The following SRGAP2B variants were observed in gnomAD, a reference collection of about 807,000 sequenced individuals.
The protein encoded by SRGAP2B is SLIT-ROBO Rho GTPase activating protein 2B, also known as SLIT-ROBO Rho GTPase-activating protein 2B.
In SRGAP2B, 9 loss-of-function variants were observed where a neutral mutation model predicts 22.2. The ratio of observed to expected loss-of-function variants is 0.41; its 90% confidence interval spans 0.24 to 0.71. The LOEUF is 0.71. Ranked by LOEUF, SRGAP2B falls within the 30% of genes least tolerant of loss-of-function variation. The probability of loss-of-function intolerance (pLI) is 0.35; values close to 1 mark genes in which losing one functional copy is unlikely to be tolerated. For missense variants in SRGAP2B, 114 were observed against 235.8 expected, an observed-to-expected ratio of 0.48 and a Z score of 3.38; for synonymous variants, 36 against 87.4, an observed-to-expected ratio of 0.41 and a Z score of 3.28.
intron 2 of SRGAP2B, among the ~76,000 whole-genome samples, chr1:145,044,276 GGGA>G (rs1375394890): frequency 1.6e-5 from 2 of 128,400 alleles, no homozygotes; most frequent in African/African-American, 3.4e-5. Context: ...AAAAGGCCAT[GGGA>G]GTCAACTTGA....
chr1:144,927,408 G>C (rs1456191741), intron 4 of SRGAP2B, among the ~76,000 whole-genome samples: 1 of 150,756 alleles, frequency 6.6e-6, no homozygotes, highest in African/African-American at 2.5e-5. Flanking sequence ...TTTCTTGTCT[G>C]AAAACATCTT....
In SRGAP2B at chr1:145,044,650, T is replaced by TAAAAAAA. The variant is rs1184404731; in HGVS notation, c.67+48178_67+48184dup. ...TATATTTTATATTTGAACCCCCTCCTAAAAAAAAAAAAAAAAAAAAAAAAA... is the reference window on the plus strand; with the variant it reads ...TATATTTTATATTTGAACCCCCTCCTAAAAAAAAAAAAAAAAAAAAAAAAAAAAAAAA... On this transcript the variant is annotated intron_variant, in intron 2 of 9. Coordinates refer to ENST00000612199, the Ensembl canonical transcript of SRGAP2B. 3.6e-4 allele frequency among the ~76,000 whole-genome samples: 11 copies of TAAAAAAA among 30,680 alleles called. 3 individuals are homozygous for TAAAAAAA. The highest frequency in any genetic ancestry group is 1.5e-3 in the Admixed American group (3 of 1,962). 20.1% of individuals were successfully genotyped at this position (30,680 alleles called of 152,430 possible).
chr1:144,953,565 C>T (rs587750715), intron 4 of SRGAP2B, among the ~76,000 whole-genome samples: 9 of 152,178 alleles, frequency 5.9e-5, no homozygotes, highest in East Asian at 1.9e-4. Context: ...CTAGGAATAT[C>T]ATTCACAGAC....
intron 4 of SRGAP2B, chr1:144,918,605 C>CA (rs1308605111): frequency 9.4e-6 from 1 of 105,936 alleles, no homozygotes; most frequent in Non-Finnish European, 1.9e-5. Flanking sequence ...TGTAATGTTC[C>CA]AAAGCCTCCT....
intron 4 of SRGAP2B, among the ~76,000 whole-genome samples, chr1:144,941,019 A>G (rs1333649705): frequency 4.0e-5 from 6 of 150,174 alleles, no homozygotes; most frequent in African/African-American, 1.5e-4. Context: ...AAATGTGTAT[A>G]AAAAAGATTG....
intron 3 of SRGAP2B, among the ~76,000 whole-genome samples, chr1:144,960,490 C>G (rs1403129549): frequency 6.7e-6 from 1 of 150,192 alleles, no homozygotes; most frequent in East Asian, 1.9e-4. Flanking sequence ...CAGCTTTTCT[C>G]CCTCAACTTG....
intron 2 of SRGAP2B, among the ~76,000 whole-genome samples, chr1:145,022,670 AAGCTAAACAATC>A (rs1647275167): frequency 1.3e-5 from 2 of 150,606 alleles, no homozygotes; most frequent in African/African-American, 5.0e-5. Flanking sequence ...CTTCATAAAG[AAGCTAAACAATC>A]AGTCTAACAC....
chr1:145,076,502 A>T (rs1295625552), intron 2 of SRGAP2B, among the ~76,000 whole-genome samples: 1 of 150,390 alleles, frequency 6.6e-6, no homozygotes, highest in Non-Finnish European at 1.5e-5. Context: ...TATGCACAAC[A>T]ACCTGAATGA....
chr1:144,914,253 G>A (rs1407822440), intron 5 of SRGAP2B, among the ~76,000 whole-genome samples: 2 of 151,744 alleles, frequency 1.3e-5, no homozygotes, highest in African/African-American at 4.9e-5. Flanking sequence ...TAGAGCATTT[G>A]TTCTAGTCTC....
chr1:145,020,047 C>A (rs1553623784), intron 2 of SRGAP2B, among the ~76,000 whole-genome samples: 1 of 150,048 alleles, frequency 6.7e-6, no homozygotes, highest in Non-Finnish European at 1.5e-5. Context: ...ACACTCTTAC[C>A]TCCTTTAAAT....
chr1:145,020,832 C>G (rs1672748131), intron 2 of SRGAP2B, among the ~76,000 whole-genome samples: 1 of 150,510 alleles, frequency 6.6e-6, no homozygotes, highest in Non-Finnish European at 1.5e-5. Flanking sequence ...GACAGTCTCA[C>G]TCTGTCACCC....
At chr1:144,984,264 G>A (rs1553615488) in intron 3 of SRGAP2B, among the ~76,000 whole-genome samples, 1 of 148,772 alleles carries the variant, frequency 6.7e-6, no homozygotes, top group East Asian at 2.0e-4. Flanking sequence ...AGGATGCAGT[G>A]AGCTGAGATC....
intron 2 of SRGAP2B, among the ~76,000 whole-genome samples, chr1:145,041,075 GTATATA>G (rs370443273): frequency 0.13 from 9,454 of 73,556 alleles, 81 homozygotes; most frequent in East Asian, 0.23. Flanking sequence ...TATATATATA[GTATATA>G]TATATATATA....
chr1:144,955,268 AG>A (rs1224834716), intron 4 of SRGAP2B, among the ~76,000 whole-genome samples, 170 bp downstream of exon 4: 1 of 146,736 alleles, frequency 6.8e-6, no homozygotes, highest in African/African-American at 2.6e-5. Context: ...CTTTTATTTT[AG>A]GTTCAAGGGG....
intron 2 of SRGAP2B, among the ~76,000 whole-genome samples, chr1:145,063,569 G>C (rs1651148109): frequency 6.7e-6 from 1 of 150,290 alleles, no homozygotes; most frequent in South Asian, 2.1e-4. Flanking sequence ...ATTTCCTGTA[G>C]AAAGGGAAGA....
intron 4 of SRGAP2B, among the ~76,000 whole-genome samples, chr1:144,951,255 A>G (rs1666844872): frequency 6.9e-6 from 1 of 145,856 alleles, no homozygotes. Flanking sequence ...AGATCACTGC[A>G]GCCTCAAATT....
rs1265252458 is a variant in SRGAP2B, at chr1:144,926,588, G to A, written c.424-11834C>T. Among the ~76,000 whole-genome samples the A allele has an allele frequency of 2.0e-5, 3 of 151,350 alleles. No individual in the cohort carries two copies. In the East Asian group the frequency reaches 5.8e-4, roughly 29 times the overall value. ...CCCCACAGGGTTGGCCTGGTGTGGTGGCTCATGCCTGTAACCGCAGCACTT... is the reference window on the plus strand; with the variant it reads ...CCCCACAGGGTTGGCCTGGTGTGGTAGCTCATGCCTGTAACCGCAGCACTT... On this transcript the variant is annotated intron_variant, in intron 4 of 9. Transcript: ENST00000612199.
At chr1:145,080,296 C>T (rs1235750245) in intron 2 of SRGAP2B, among the ~76,000 whole-genome samples, 6 of 148,290 alleles carry the variant, frequency 4.0e-5, no homozygotes, top group Non-Finnish European at 8.9e-5. Flanking sequence ...TCTCTCCCCT[C>T]GATTTTTCTC....
At position 145,076,257 on chromosome 1, in the gene SRGAP2B, G is replaced by A. The variant is rs371236946; in HGVS notation, c.67+16578C>T. Among the ~76,000 whole-genome samples the A allele has an allele frequency of 1.3e-3, 190 of 149,362 alleles. 3 individuals carry two copies. The East Asian group carries it at 0.034, about 27-fold the overall frequency. On this transcript the variant is annotated intron_variant, in intron 2 of 9. Transcript: ENST00000612199. ...GCCCAGGCTCATCTTGAACCCCTGGGCTCAAGAGATTCTCCTGCCTCAGCC... is the reference window on the plus strand; with the variant it reads ...GCCCAGGCTCATCTTGAACCCCTGGACTCAAGAGATTCTCCTGCCTCAGCC...
Sources: gnomAD v4.1 joint callset for allele counts (sites outside exome capture counted in the v4.1 genomes callset) on GRCh38, gnomAD v4.1.1 for gene constraint, MANE v1.5 for transcripts, NCBI Gene and HGNC (gene_info 2026-07-23, HGNC 2026-07-21) for gene names.